GRAMD1C: variants seen among roughly 807,000 people sequenced by gnomAD.
GRAMD1C encodes the protein protein Aster-C.
A neutral mutation model predicts 97.8 loss-of-function variants in GRAMD1C; 89 were observed. The ratio of observed to expected loss-of-function variants is 0.91; its 90% confidence interval spans 0.77 to 1.09. GRAMD1C has a LOEUF of 1.09. Ranked by LOEUF, GRAMD1C falls within the 50% of genes least tolerant of loss-of-function variation. GRAMD1C has a pLI of 0.00. For missense variants in GRAMD1C, 740 were observed against 766.4 expected, an observed-to-expected ratio of 0.97 and a Z score of 0.41; for synonymous variants, 256 against 267.0, an observed-to-expected ratio of 0.96 and a Z score of 0.40.
chr3:113,878,895 T>C (rs1935154189), intron 5 of GRAMD1C, among the ~76,000 whole-genome samples: 1 of 152,048 alleles, frequency 6.6e-6, no homozygotes, highest in South Asian at 2.1e-4. Flanking sequence ...CATCACACCA[T>C]GACACAGAGG....
chr3:113,833,664 T>C (rs1709592704), intron 1 of GRAMD1C, among the ~76,000 whole-genome samples: 1 of 152,166 alleles, frequency 6.6e-6, no homozygotes, highest in Non-Finnish European at 1.5e-5. Context: ...ACCAGGAATG[T>C]GGGCTATTGT....
At chr3:113,842,147 A>G (rs1933356411) in intron 1 of GRAMD1C, among the ~76,000 whole-genome samples, 2 of 152,228 alleles carry the variant, frequency 1.3e-5, no homozygotes, top group South Asian at 4.1e-4. Context: ...AGGCAAAGGT[A>G]TAGTTCTGAT....
intron 8 of GRAMD1C, among the ~76,000 whole-genome samples, chr3:113,906,877 C>A (rs114612515): frequency 1.3e-5 from 2 of 152,070 alleles, no homozygotes; most frequent in Non-Finnish European, 2.9e-5. Flanking sequence ...TGTTTACATA[C>A]GTTTAGATAC....
chr3:113,864,315 T>C (rs1248212168), intron 2 of GRAMD1C, among the ~76,000 whole-genome samples: 1 of 152,104 alleles, frequency 6.6e-6, no homozygotes, highest in Non-Finnish European at 1.5e-5. Flanking sequence ...GGTTTCCACA[T>C]GTTGGCCAGG....
In GRAMD1C at chr3:113,936,307, A is replaced by T; in HGVS notation, c.1498A>T (p.Ile500Phe). The change falls in exon 14 of 18, where the codon ATT becomes TTT. Residue 500 changes from isoleucine (I) to phenylalanine (F), a missense_variant. Coordinates refer to ENST00000358160, the MANE Select transcript of GRAMD1C (RefSeq NM_017577.5). ...TGAAGAATCTGTATTAAATCAGGCC[A>T]TTGAAGACCCTGGAAAACTTACTGG... ...LIEESVLNQA[I>F]EDPGKLTGLR... The T allele has an allele frequency of 1.9e-6, 3 of 1,608,192 alleles. No individual in the cohort carries two copies. The highest frequency in any genetic ancestry group is 2.6e-6 in the Non-Finnish European group (3 of 1,175,070).
chr3:113,945,288 A>G (rs1428717036), intron 17 of GRAMD1C, 110 bp from the exon 18 acceptor site: 1 of 692,638 alleles, frequency 1.4e-6, no homozygotes, highest in Admixed American at 2.6e-5. Context: ...GGGCATCAGT[A>G]TAAACAAAAC....
intron 2 of GRAMD1C, among the ~76,000 whole-genome samples, chr3:113,865,102 G>A (rs1316605721): frequency 6.6e-6 from 1 of 152,162 alleles, no homozygotes; most frequent in East Asian, 1.9e-4. Context: ...TATGATGGAT[G>A]CCATCACATG....
At chr3:113,866,013 C>A (rs534227257) in intron 2 of GRAMD1C, among the ~76,000 whole-genome samples, 1 of 151,828 alleles carries the variant, frequency 6.6e-6, no homozygotes, top group Non-Finnish European at 1.5e-5. Context: ...ATGGTCTGTT[C>A]TGGAGAATGT....
intron 8 of GRAMD1C, among the ~76,000 whole-genome samples, chr3:113,904,585 G>C (rs1936290460): frequency 6.6e-6 from 1 of 151,148 alleles, no homozygotes; most frequent in African/African-American, 2.4e-5. Context: ...CCCAGGGTAA[G>C]TACTGTGTGT....
intron 9 of GRAMD1C, among the ~76,000 whole-genome samples, chr3:113,910,150 G>A (rs760955551): frequency 6.6e-6 from 1 of 152,150 alleles, no homozygotes; most frequent in Non-Finnish European, 1.5e-5. Flanking sequence ...TTGGAAGGCC[G>A]AGGCGGGTGG....
At chr3:113,873,365 A>G (rs1233250170) in intron 3 of GRAMD1C, among the ~76,000 whole-genome samples, 1 of 152,210 alleles carries the variant, frequency 6.6e-6, no homozygotes, top group Non-Finnish European at 1.5e-5. Context: ...ATGCCTTTGA[A>G]CATAGTTAAT....
intron 9 of GRAMD1C, among the ~76,000 whole-genome samples, chr3:113,912,472 G>T (rs72954630): frequency 0.024 from 3,591 of 152,210 alleles, 148 homozygotes; most frequent in African/African-American, 0.082. Context: ...GGTTGAGCAC[G>T]GTGGCTCATG....
intron 1 of GRAMD1C, among the ~76,000 whole-genome samples, chr3:113,840,187 T>C (rs554338132): frequency 7.6e-4 from 116 of 152,252 alleles, no homozygotes; most frequent in Middle Eastern, 3.4e-3. Flanking sequence ...AGGATGGTCT[T>C]GAACTCCTGA....
chr3:113,895,208 G>T (rs1935891364), intron 6 of GRAMD1C, among the ~76,000 whole-genome samples: 1 of 152,100 alleles, frequency 6.6e-6, no homozygotes, highest in Admixed American at 6.6e-5. Context: ...CATGCTTGTT[G>T]TGCCACTTTC....
chr3:113,830,673 T>C (rs1306699076), intron 1 of GRAMD1C, among the ~76,000 whole-genome samples: 1 of 152,258 alleles, frequency 6.6e-6, no homozygotes, highest in Non-Finnish European at 1.5e-5. Context: ...AATATTGTAC[T>C]ATAATCTTAT....
At chr3:113,940,835 T>TA (rs1321442396) in intron 17 of GRAMD1C, among the ~76,000 whole-genome samples, 1 of 152,220 alleles carries the variant, frequency 6.6e-6, no homozygotes, top group Non-Finnish European at 1.5e-5. Context: ...TGTACCATAA[T>TA]TATCTTACTA....
At chr3:113,884,739 T>C (rs1240211479) in intron 6 of GRAMD1C, among the ~76,000 whole-genome samples, 3 of 150,992 alleles carry the variant, frequency 2.0e-5, no homozygotes, top group Admixed American at 6.6e-5. Flanking sequence ...CTCGGGAGGC[T>C]GAGGCAGGAG....
At chr3:113,885,271 G>A (rs916225664) in intron 6 of GRAMD1C, 9 of 1,370,370 alleles carry the variant, frequency 6.6e-6, no homozygotes, top group Middle Eastern at 2.5e-4. Context: ...GGGGGCCTCC[G>A]GGGCCGGCGG....
intron 12 of GRAMD1C, among the ~76,000 whole-genome samples, chr3:113,934,084 T>C (rs185247581): frequency 6.6e-6 from 1 of 152,238 alleles, no homozygotes; most frequent in African/African-American, 2.4e-5. Flanking sequence ...CTGGTTAATG[T>C]AGTTACTTTC....
Sources: allele counts gnomAD v4.1 joint callset (sites outside exome capture counted in the v4.1 genomes callset), GRCh38; gene constraint gnomAD v4.1.1; transcripts MANE v1.5; gene names NCBI Gene and HGNC (gene_info 2026-07-23, HGNC 2026-07-21).